CNTNAP3B: variants seen among roughly 807,000 people sequenced by gnomAD.
The protein encoded by CNTNAP3B is contactin associated protein family member 3B.
In CNTNAP3B, 25 loss-of-function variants were observed where a neutral mutation model predicts 108.9. The ratio of observed to expected loss-of-function variants is 0.23; its 90% confidence interval spans 0.17 to 0.32. The LOEUF (loss-of-function observed/expected upper bound fraction) is 0.32. Ranked by LOEUF, CNTNAP3B falls within the 10% of genes least tolerant of loss-of-function variation. The pLI is 1.00. For missense variants in CNTNAP3B, 252 were observed against 1,210.4 expected (o/e 0.21, Z 11.75); for synonymous variants, 103 against 473.4 (o/e 0.22, Z 10.16).
chr9:41,958,397 C>T (rs1308195555), intron 12 of CNTNAP3B, among the ~76,000 whole-genome samples: 1 of 152,288 alleles, frequency 6.6e-6, no homozygotes, highest in African/African-American at 2.4e-5. Context: ...CTTCCCTCCT[C>T]AGCTTCTCAA....
At chr9:42,062,903 C>T (rs554516285) in intron 3 of CNTNAP3B, among the ~76,000 whole-genome samples, 2 of 96,138 alleles carry the variant, frequency 2.1e-5, no homozygotes, top group South Asian at 3.1e-4. Context: ...ACAACTTAAC[C>T]GTGATCACAC....
At chr9:41,999,532 TACAC>T (rs1326595626) in intron 4 of CNTNAP3B, among the ~76,000 whole-genome samples, 1 of 118,908 alleles carries the variant, frequency 8.4e-6, no homozygotes, top group Non-Finnish European at 1.7e-5. Context: ...TCTCTCTCTC[TACAC>T]ACACACACAC....
At chr9:41,942,270 T>C (rs1386812820) in intron 13 of CNTNAP3B, among the ~76,000 whole-genome samples, 5 of 152,238 alleles carry the variant, frequency 3.3e-5, no homozygotes, top group Non-Finnish European at 7.3e-5. Context: ...GGTCAGGAGA[T>C]CGAGACCATC....
intron 10 of CNTNAP3B, among the ~76,000 whole-genome samples, chr9:41,967,155 T>C (rs570972271): frequency 2.6e-4 from 39 of 150,826 alleles, no homozygotes; most frequent in African/African-American, 7.6e-4. Flanking sequence ...GTTTCTACTT[T>C]GTGAGTTAGT....
chr9:41,940,991 A>G (rs1824325793), intron 13 of CNTNAP3B, among the ~76,000 whole-genome samples: 1 of 152,146 alleles, frequency 6.6e-6, no homozygotes, highest in East Asian at 1.9e-4. Flanking sequence ...GATAAATATA[A>G]TAGACTATCC....
At chr9:42,051,963 G>T (rs549136897) in intron 3 of CNTNAP3B, among the ~76,000 whole-genome samples, 383 of 151,520 alleles carry the variant, frequency 2.5e-3, no homozygotes, top group African/African-American at 8.6e-3. Flanking sequence ...TCTCTCTCTT[G>T]TAAAAAGAAT....
chr9:41,937,375 C>T (rs1476851052), intron 14 of CNTNAP3B, among the ~76,000 whole-genome samples: 6 of 151,720 alleles, frequency 4.0e-5, no homozygotes, highest in Non-Finnish European at 5.9e-5. Context: ...GATCCACCTG[C>T]CTTGGCCTCC....
intron 3 of CNTNAP3B, among the ~76,000 whole-genome samples, chr9:42,035,263 T>C (rs1474669382): frequency 7.1e-6 from 1 of 141,766 alleles, no homozygotes; most frequent in Admixed American, 7.0e-5. Flanking sequence ...AGTTATTCTT[T>C]ACCATTTTAC....
rs1339542419 is a variant in CNTNAP3B, at chr9:42,001,413, C to G, written c.539-2809G>C. Reference sequence around the variant, plus strand: ...TGGGCAACACAGCAAGACCCCATTTCAAGAAAAAAACAGTTCTACCTAGCC... The same window carrying G: ...TGGGCAACACAGCAAGACCCCATTTGAAGAAAAAAACAGTTCTACCTAGCC... On this transcript the variant is annotated intron_variant, in intron 4 of 23. Transcript: ENST00000377561. Among the ~76,000 whole-genome samples, 5 of 134,154 alleles carry G rather than the reference C, an allele frequency of 3.7e-5. 2 individuals are homozygous for G. The highest frequency in any genetic ancestry group is 7.9e-5 in the Non-Finnish European group (5 of 63,494). The allele number at this position is 134,154 out of a possible 152,430, so 88.0% of individuals were successfully genotyped here. A position where few individuals can be genotyped will look rare whatever the true frequency, so the allele number is the denominator to read the frequency against.
At chr9:41,991,184 T>A (rs1287813762) in intron 8 of CNTNAP3B, among the ~76,000 whole-genome samples, 3 of 100,432 alleles carry the variant, frequency 3.0e-5, no homozygotes, top group South Asian at 3.0e-4. Flanking sequence ...AAAGTGATAG[T>A]TATCAATTGA....
intron 15 of CNTNAP3B, among the ~76,000 whole-genome samples, chr9:41,924,495 A>G (rs1459648282): frequency 6.6e-6 from 1 of 152,300 alleles, no homozygotes; most frequent in Admixed American, 6.5e-5. Context: ...CTGGGAAGGG[A>G]AATAATTCTA....
chr9:41,942,410 A>G (rs1426248562), intron 13 of CNTNAP3B, among the ~76,000 whole-genome samples: 1 of 152,108 alleles, frequency 6.6e-6, no homozygotes, highest in Non-Finnish European at 1.5e-5. Flanking sequence ...GGAGATCCAG[A>G]CCATCCTGGC....
intron 11 of CNTNAP3B, among the ~76,000 whole-genome samples, chr9:41,962,819 G>A (rs1369867999): frequency 2.7e-4 from 41 of 152,282 alleles, no homozygotes; most frequent in African/African-American, 9.9e-4. Flanking sequence ...GCCAGGCGTG[G>A]TGGCGGGCGC....
intron 1 of CNTNAP3B, among the ~76,000 whole-genome samples, chr9:42,117,071 T>C (rs28871572): frequency 7.2e-6 from 1 of 138,308 alleles, no homozygotes; most frequent in Non-Finnish European, 1.5e-5. Flanking sequence ...CACACAATAA[T>C]AATGGGAGAT....
At chr9:41,966,205 T>C (rs534572171) in intron 10 of CNTNAP3B, among the ~76,000 whole-genome samples, 689 of 152,040 alleles carry the variant, frequency 4.5e-3, no homozygotes, top group South Asian at 0.017. Context: ...CTCCCCTTCC[T>C]TCTTAATATA....
At chr9:42,090,973 T>TATATATACAC (rs1207817338) in intron 2 of CNTNAP3B, among the ~76,000 whole-genome samples, 1 of 37,792 alleles carries the variant, frequency 2.6e-5, no homozygotes, top group East Asian at 1.8e-3. Flanking sequence ...TATATATATA[T>TATATATACAC]ACACACACAC....
At chr9:41,930,042 A>G (rs71512040) in intron 14 of CNTNAP3B, among the ~76,000 whole-genome samples, 191 of 152,290 alleles carry the variant, frequency 1.3e-3, no homozygotes, top group Non-Finnish European at 2.1e-3. Flanking sequence ...GTAACACTGG[A>G]TTTAGATATT....
At chr9:41,966,498 G>C (rs1283184795) in intron 10 of CNTNAP3B, among the ~76,000 whole-genome samples, 4 of 152,254 alleles carry the variant, frequency 2.6e-5, no homozygotes, top group African/African-American at 9.6e-5. Flanking sequence ...GGGAGGGCAG[G>C]AGTGGGGTCA....
At chr9:42,049,340 C>T (rs1249658451) in intron 3 of CNTNAP3B, among the ~76,000 whole-genome samples, 1 of 139,862 alleles carries the variant, frequency 7.1e-6, no homozygotes, top group Non-Finnish European at 1.5e-5. Context: ...TCATTATCAG[C>T]CTCTCTTGAT....
Sources: gnomAD v4.1 joint callset for allele counts (sites outside exome capture counted in the v4.1 genomes callset) on GRCh38, gnomAD v4.1.1 for gene constraint, MANE v1.5 for transcripts, NCBI Gene and HGNC (gene_info 2026-07-23, HGNC 2026-07-21) for gene names.